MAML3: variants seen among roughly 807,000 people sequenced by gnomAD.
MAML3 encodes the protein mastermind like transcriptional coactivator 3.
In MAML3, 27 loss-of-function variants were observed where a neutral mutation model predicts 101.9. The ratio of observed to expected loss-of-function variants is 0.27; its 90% CI spans 0.20 to 0.37. The LOEUF is 0.37. Ranked by LOEUF, MAML3 falls within the 10% of genes least tolerant of loss-of-function variation. The pLI is 1.00. For synonymous variants in MAML3, 501 were observed against 555.9 expected (o/e 0.90, Z 1.39); for missense variants, 1,316 against 1,444.9 (o/e 0.91, Z 1.45).
chr4:139,973,701 C>A (rs957663530), intron 1 of MAML3, among the ~76,000 whole-genome samples: 4 of 152,186 alleles, frequency 2.6e-5, no homozygotes, highest in Non-Finnish European at 4.4e-5. Flanking sequence ...CACCTGTAAT[C>A]AAAACCACTT....
intron 1 of MAML3, among the ~76,000 whole-genome samples, chr4:140,058,463 T>A (rs1030166623): frequency 6.6e-6 from 1 of 151,978 alleles, no homozygotes; most frequent in African/African-American, 2.4e-5. Context: ...TAACATTTGA[T>A]GTAATTTTTT....
intron 2 of MAML3, chr4:139,794,144 G>A (rs932243246): frequency 6.6e-6 from 1 of 152,108 alleles, no homozygotes; most frequent in Non-Finnish European, 1.5e-5. Flanking sequence ...AACATATTTT[G>A]CTTGAAAAAT....
At chr4:139,922,567 A>C (rs1425860549) in intron 1 of MAML3, among the ~76,000 whole-genome samples, 1 of 152,240 alleles carries the variant, frequency 6.6e-6, no homozygotes, top group African/African-American at 2.4e-5. Context: ...TTCTCACCCA[A>C]GAAGCAGAAG....
chr4:139,732,281 G>A (rs759311353), intron 2 of MAML3, among the ~76,000 whole-genome samples: 19 of 152,230 alleles, frequency 1.2e-4, no homozygotes, highest in South Asian at 2.1e-4. Flanking sequence ...TAGAGAGACC[G>A]TCCTGGATTT....
At chr4:139,722,148 G>C (rs1023628454) in intron 4 of MAML3, among the ~76,000 whole-genome samples, 19 of 152,170 alleles carry the variant, frequency 1.2e-4, no homozygotes, top group African/African-American at 4.6e-4. Context: ...ATGAGAAATA[G>C]GTTCCTTTCT....
At chr4:139,896,905 C>T (rs942240552) in intron 1 of MAML3, among the ~76,000 whole-genome samples, 1 of 152,172 alleles carries the variant, frequency 6.6e-6, no homozygotes, top group Non-Finnish European at 1.5e-5. Flanking sequence ...GGGTGCATGA[C>T]ACCCACAGCA....
At chr4:139,728,172 G>A (rs553142856) in intron 3 of MAML3, among the ~76,000 whole-genome samples, 18 of 152,266 alleles carry the variant, frequency 1.2e-4, no homozygotes, top group East Asian at 1.2e-3. Context: ...CCGAGATCAT[G>A]CCACTGCACT....
rs879039332 is a variant in MAML3, at chr4:139,717,118, T to TAA, written c.*2203_*2204dup. The TAA allele has an allele frequency of 6.6e-6, 1 of 152,486 alleles. No homozygotes were observed. The highest frequency in any genetic ancestry group is 1.5e-5 in the Non-Finnish European group (1 of 68,012). 9.4% of individuals were successfully genotyped at this position (152,486 alleles called of 1,614,324 possible). A position where few individuals can be genotyped will look rare whatever the true frequency, so the allele number is the denominator to read the frequency against. ...AGTATTGTAAAAACTTATGTACAAA[T>TAA]AACTTTTTTTAGACATTACATATAC... On this transcript the variant is annotated 3_prime_UTR_variant, in exon 5 of 5. Coordinates refer to ENST00000509479, the MANE Select transcript of MAML3 (RefSeq NM_018717.5).
chr4:140,023,039 T>C (rs529448635), intron 1 of MAML3, among the ~76,000 whole-genome samples: 5 of 152,184 alleles, frequency 3.3e-5, no homozygotes, highest in Non-Finnish European at 7.3e-5. Context: ...TTTTAAGATA[T>C]TGAAGGCTCT....
At chr4:139,721,082 C>T (rs192741657) in intron 4 of MAML3, among the ~76,000 whole-genome samples, 9 of 152,342 alleles carry the variant, frequency 5.9e-5, no homozygotes, top group African/African-American at 1.7e-4. Flanking sequence ...CTGCTACGTG[C>T]GACTTGGCCA....
At chr4:140,071,255 G>A (rs1346649115) in intron 1 of MAML3, among the ~76,000 whole-genome samples, 1 of 152,122 alleles carries the variant, frequency 6.6e-6, no homozygotes, top group African/African-American at 2.4e-5. Flanking sequence ...CTTCCCCTCA[G>A]GAACACCATC....
rs147569970 is a variant in MAML3 at position 139,947,837 on chromosome 4, C to A, written c.469-56870G>T. ...CTACCACTTGCTGGGCATGGTGACT[C>A]ACTCCTGTAATCCCAGCACTTTGGG... On this transcript the variant is annotated intron_variant, in intron 1 of 4. Transcript: ENST00000509479. Among the ~76,000 whole-genome samples, 302 of 152,252 alleles carry A rather than the reference C, an allele frequency of 2.0e-3. 4 individuals are homozygous for A. Among genetic ancestry groups the A allele is most frequent in the African/African-American group, 7.0e-3 (289 of 41,546 alleles).
chr4:140,067,005 C>T lies in MAML3; in HGVS notation c.468+85855G>A, dbSNP rs1578667133. On this transcript the variant is annotated intron_variant, in intron 1 of 4. Coordinates refer to ENST00000509479, the MANE Select transcript of MAML3 (RefSeq NM_018717.5). The stretch of plus-strand genomic sequence containing the variant: ...TGTAAATGGGTTAGGGCCAGCATGA[C>T]TTCTACGAGCAACCGCAACAATAAT... Among the ~76,000 whole-genome samples, 3 of 152,226 alleles carry T rather than the reference C, an allele frequency of 2.0e-5. No individual in the cohort carries two copies. The East Asian group carries it at 5.8e-4, about 29-fold the overall frequency.
At chr4:139,941,524 G>GTGTTGT (rs141468630) in intron 1 of MAML3, among the ~76,000 whole-genome samples, 14 of 150,674 alleles carry the variant, frequency 9.3e-5, no homozygotes, top group Non-Finnish European at 1.6e-4. Context: ...TAACCCTAAT[G>GTGTTGT]TGTTGTTGTT....
chr4:139,875,108 T>A (rs1277574287), intron 2 of MAML3, among the ~76,000 whole-genome samples: 1 of 152,064 alleles, frequency 6.6e-6, no homozygotes, highest in Non-Finnish European at 1.5e-5. Context: ...CAGCTGATCA[T>A]CCCCATCTTC....
chr4:140,106,546 T>C (rs1383262720), intron 1 of MAML3, among the ~76,000 whole-genome samples: 1 of 152,244 alleles, frequency 6.6e-6, no homozygotes, highest in Non-Finnish European at 1.5e-5. Context: ...TTAACTCTGC[T>C]TTCTTATTTA....
intron 2 of MAML3, among the ~76,000 whole-genome samples, chr4:139,802,295 T>C (rs899800238): frequency 2.0e-5 from 3 of 152,112 alleles, no homozygotes; most frequent in Middle Eastern, 3.2e-3. Flanking sequence ...AACGTGCACC[T>C]CTCCCCGCAG....
chr4:139,894,157 G>A (rs567239988), intron 1 of MAML3, among the ~76,000 whole-genome samples: 1 of 152,124 alleles, frequency 6.6e-6, no homozygotes, highest in African/African-American at 2.4e-5. Context: ...GTGCAGATGC[G>A]GTAAAGTTCA....
intron 2 of MAML3, chr4:139,888,675 A>G (rs990915838): frequency 2.1e-5 from 11 of 518,854 alleles, no homozygotes; most frequent in African/African-American, 3.8e-5. Context: ...ACTTTAATAC[A>G]GCACTAAGAT....
Sources: allele counts gnomAD v4.1 joint callset (sites outside exome capture counted in the v4.1 genomes callset), GRCh38; gene constraint gnomAD v4.1.1; transcripts MANE v1.5; gene names NCBI Gene and HGNC (gene_info 2026-07-23, HGNC 2026-07-21).